The following GABRB1 variants were observed in gnomAD, a reference collection of about 807,000 sequenced individuals.
GABRB1 encodes the protein gamma-aminobutyric acid receptor subunit beta-1.
In GABRB1, 17 loss-of-function variants were observed where a neutral mutation model predicts 51.6. The ratio of observed to expected loss-of-function variants is 0.33; its 90% CI spans 0.23 to 0.49. The LOEUF (loss-of-function observed/expected upper bound fraction) is 0.49. GABRB1 is among the 20% of genes least tolerant of loss of function. The pLI, the probability that GABRB1 is intolerant of heterozygous loss-of-function variation, is 0.99. For synonymous variants in GABRB1, 247 were observed against 218.9 expected (o/e 1.13, Z -1.14); for missense variants, 410 against 600.6 (o/e 0.68, Z 3.32).
chr4:47,392,125 T>C (rs1266590519), intron 5 of GABRB1, among the ~76,000 whole-genome samples: 1 of 146,842 alleles, frequency 6.8e-6, no homozygotes, highest in African/African-American at 2.5e-5. Context: ...AGGAGAAGAG[T>C]GCTAAACGGG....
chr4:47,331,775 C>T (rs1455218959), intron 5 of GABRB1, among the ~76,000 whole-genome samples: 2 of 152,056 alleles, frequency 1.3e-5, no homozygotes, highest in Non-Finnish European at 2.9e-5. Context: ...ATTAATGGGC[C>T]AGGCACTTTA....
chr4:47,223,114 A>G (rs533640274), intron 4 of GABRB1, among the ~76,000 whole-genome samples: 1 of 152,138 alleles, frequency 6.6e-6, no homozygotes, highest in East Asian at 1.9e-4. Flanking sequence ...AAGATAACAC[A>G]TTTTTTCTAT....
chr4:47,264,277 T>C (rs893456406), intron 4 of GABRB1, among the ~76,000 whole-genome samples: 18 of 152,186 alleles, frequency 1.2e-4, no homozygotes, highest in Admixed American at 7.9e-4. Flanking sequence ...CCAGCAACTA[T>C]CCTTCCCCCA....
intron 3 of GABRB1, among the ~76,000 whole-genome samples, chr4:47,051,513 C>T (rs1473083773): frequency 6.6e-6 from 1 of 152,098 alleles, no homozygotes; most frequent in Non-Finnish European, 1.5e-5. Context: ...GTTTTCATTG[C>T]AGTGTTGTAA....
At chr4:47,382,616 A>G (rs1019904785) in intron 5 of GABRB1, among the ~76,000 whole-genome samples, 18 of 152,278 alleles carry the variant, frequency 1.2e-4, no homozygotes, top group Admixed American at 1.0e-3. Flanking sequence ...CAGGTCATGG[A>G]ACTCTGTACT....
At chr4:47,179,263 G>C (rs1718841376) in intron 4 of GABRB1, among the ~76,000 whole-genome samples, 1 of 152,052 alleles carries the variant, frequency 6.6e-6, no homozygotes, top group Non-Finnish European at 1.5e-5. Context: ...ATGATTTCCA[G>C]CTTCATCCAT....
intron 4 of GABRB1, among the ~76,000 whole-genome samples, chr4:47,247,537 T>C (rs1166718757): frequency 6.6e-6 from 1 of 152,116 alleles, no homozygotes; most frequent in Non-Finnish European, 1.5e-5. Flanking sequence ...TTTAGAATTG[T>C]TTTTTCTAAT....
At chr4:47,370,197 C>T (rs1314022076) in intron 5 of GABRB1, among the ~76,000 whole-genome samples, 4 of 152,150 alleles carry the variant, frequency 2.6e-5, no homozygotes, top group Admixed American at 2.0e-4. Flanking sequence ...CTTAGTAAGG[C>T]ATTTTTAGTT....
intron 4 of GABRB1, among the ~76,000 whole-genome samples, chr4:47,197,177 A>G (rs1719716999): frequency 6.6e-6 from 1 of 152,220 alleles, no homozygotes; most frequent in Admixed American, 6.5e-5. Context: ...GGCATCTAGC[A>G]TTACCAAATG....
intron 3 of GABRB1, among the ~76,000 whole-genome samples, chr4:47,123,705 A>AATATG (rs1553917466): frequency 6.1e-5 from 1 of 16,370 alleles, no homozygotes; most frequent in Non-Finnish European, 1.1e-4. Context: ...TTATATATAT[A>AATATG]ATATGATATA....
At chr4:47,212,837 C>T (rs1004526129) in intron 4 of GABRB1, among the ~76,000 whole-genome samples, 4 of 152,016 alleles carry the variant, frequency 2.6e-5, no homozygotes, top group Admixed American at 2.6e-4. Context: ...TCCCCAATAT[C>T]CCCCAACAAT....
chr4:47,265,344 C>A (rs553237507), intron 4 of GABRB1, among the ~76,000 whole-genome samples: 1 of 152,132 alleles, frequency 6.6e-6, no homozygotes, highest in East Asian at 1.9e-4. Context: ...TTTTATTCAT[C>A]CAGTCATTCA....
chr4:47,380,941 G>C (rs145975430), intron 5 of GABRB1, among the ~76,000 whole-genome samples: 1 of 151,970 alleles, frequency 6.6e-6, no homozygotes, highest in Non-Finnish European at 1.5e-5. Flanking sequence ...ATACTTCCTC[G>C]ATTCAGCAAT....
chr4:47,083,865 C>A (rs187319221), intron 3 of GABRB1, among the ~76,000 whole-genome samples: 254 of 152,210 alleles, frequency 1.7e-3, no homozygotes, highest in Non-Finnish European at 2.9e-3. Context: ...AAGACACACC[C>A]CTATGTCTAA....
intron 3 of GABRB1, among the ~76,000 whole-genome samples, chr4:47,073,103 T>C (rs964471406): frequency 6.6e-6 from 1 of 152,200 alleles, no homozygotes; most frequent in Non-Finnish European, 1.5e-5. Context: ...TACAGACTCC[T>C]TGATGGCAAT....
chr4:47,007,338 A>G (rs1339823327), intron 1 of GABRB1, among the ~76,000 whole-genome samples: 1 of 152,178 alleles, frequency 6.6e-6, no homozygotes, highest in Non-Finnish European at 1.5e-5. Flanking sequence ...ATAATTCTCA[A>G]TTTATCTGAA....
chr4:47,201,844 C>T (rs768895773), intron 4 of GABRB1, among the ~76,000 whole-genome samples: 1 of 152,124 alleles, frequency 6.6e-6, no homozygotes, highest in Non-Finnish European at 1.5e-5. Context: ...AGATGTCTGT[C>T]CCGTCTGTTC....
intron 3 of GABRB1, among the ~76,000 whole-genome samples, chr4:47,128,288 GA>G (rs563506281): frequency 2.0e-4 from 30 of 151,544 alleles, no homozygotes; most frequent in East Asian, 3.9e-4. Flanking sequence ...TACTAAAAAA[GA>G]AAAAAAGTTC....
At position 47,138,802 on chromosome 4, in the gene GABRB1, G is replaced by A. The variant is rs371841484; in HGVS notation, c.241-22447G>A. On this transcript the variant is annotated intron_variant, in intron 3 of 8. Transcript: ENST00000295454. ...TTGATACCTGGATTTAGATAATCCT[G>A]AAATGCGAGACTTCTCTTGGCCCTC... Among the ~76,000 whole-genome samples, 42 of 152,198 alleles carry A rather than the reference G, an allele frequency of 2.8e-4. 1 individual carries two copies. Among genetic ancestry groups the A allele is most frequent in the African/African-American group, 9.6e-4 (40 of 41,554 alleles).
Sources: allele counts gnomAD v4.1 joint callset (sites outside exome capture counted in the v4.1 genomes callset), GRCh38; gene constraint gnomAD v4.1.1; transcripts MANE v1.5; gene names NCBI Gene and HGNC (gene_info 2026-07-23, HGNC 2026-07-21).